SUSD1: variants seen among roughly 807,000 people sequenced by gnomAD.
SUSD1 encodes sushi domain-containing protein 1.
Under a neutral mutation model 86.9 loss-of-function variants are expected in SUSD1, and 65 were observed. The ratio of observed to expected loss-of-function variants is 0.75; its 90% confidence interval spans 0.61 to 0.92. The LOEUF (loss-of-function observed/expected upper bound fraction) is 0.92, where lower values mean the gene tolerates loss of function less well. Among genes scored for constraint, SUSD1 ranks in the 40% least tolerant of loss-of-function variants. The pLI is 0.00. For synonymous variants in SUSD1, 346 were observed against 350.0 expected, an observed-to-expected ratio of 0.99 and a Z score of 0.13; for missense variants, 850 against 929.7, an observed-to-expected ratio of 0.91 and a Z score of 1.11.
intron 16 of SUSD1, 88 bp downstream of exon 16, chr9:112,041,779 A>T: frequency 2.3e-6 from 3 of 1,316,052 alleles, no homozygotes; most frequent in Non-Finnish European, 3.2e-6. Context: ...ACTCCCTTTG[A>T]CTCCCCTCAT....
At position 112,175,129 on chromosome 9, in the gene SUSD1, T is replaced by G; in HGVS notation, c.103+4A>C. 9.6e-7 allele frequency: 1 copy of G among 1,041,846 alleles called. No homozygotes were observed. Among genetic ancestry groups the G allele is most frequent in the South Asian group, 4.4e-5 (1 of 22,682 alleles). 64.5% of individuals were successfully genotyped at this position (1,041,846 alleles called of 1,614,324 possible). A position where few individuals can be genotyped will look rare whatever the true frequency, so the allele number is the denominator to read the frequency against. The stretch of plus-strand genomic sequence containing the variant: ...CGCCCGTGCCCGTCCCAGCCCGCAC[T>G]CACCGTCGGGGCCCGGCGCTCCCGC... On this transcript the variant is annotated splice_donor_region_variant and intron_variant, in intron 1 of 16. Coordinates refer to ENST00000374270, the MANE Select transcript of SUSD1 (RefSeq NM_022486.5). This position sits in a 1 kb window ranked among gnomAD's most constrained non-coding sequence, Gnocchi z 4.7.
At chr9:112,061,066 G>A (rs1828702332) in intron 13 of SUSD1, among the ~76,000 whole-genome samples, 1 of 152,110 alleles carries the variant, frequency 6.6e-6, no homozygotes, top group Admixed American at 6.5e-5. Context: ...GTAGATTCTG[G>A]GAATCTGTAT....
chr9:112,163,226 G>A (rs1182887668), intron 1 of SUSD1, among the ~76,000 whole-genome samples: 2 of 152,112 alleles, frequency 1.3e-5, no homozygotes, highest in African/African-American at 4.8e-5. Context: ...TGTGACGACA[G>A]CTCACTGCAG....
chr9:112,064,046 T>TGGG (rs58850509), intron 12 of SUSD1, among the ~76,000 whole-genome samples: 213 of 77,148 alleles, frequency 2.8e-3, no homozygotes, highest in South Asian at 8.9e-3. Flanking sequence ...TTTCTTTTTT[T>TGGG]GGGGGGGGGG....
At position 112,098,477 on chromosome 9, in the gene SUSD1, G is replaced by A. The variant is rs923791080; in HGVS notation, c.1467C>T (p.Pro489=). The A allele has an allele frequency of 3.1e-6, 5 of 1,614,014 alleles. No homozygotes were observed. Among genetic ancestry groups the A allele is most frequent in the Middle Eastern group, 3.3e-4 (2 of 6,060 alleles). Residue 489 remains proline, a synonymous_variant, in exon 10 of 17, where the codon CCC becomes CCT. Coordinates refer to ENST00000374270, the MANE Select transcript of SUSD1 (RefSeq NM_022486.5). Reference sequence around the variant, plus strand: ...AAAGACGTCTACACCCACCTGCTGGGGGAGTTGCTATTGTTATTTGCACTG... The same window carrying A: ...AAAGACGTCTACACCCACCTGCTGGAGGAGTTGCTATTGTTATTTGCACTG... ...RHSVQITIAT[P]PAVKQTISNI...
intron 16 of SUSD1, 85 bp downstream of exon 16, chr9:112,041,782 C>T: frequency 7.4e-7 from 1 of 1,348,918 alleles, no homozygotes; most frequent in Non-Finnish European, 1.0e-6. Context: ...CCCTTTGACT[C>T]CCCTCATCCC....
chr9:112,057,330 T>C (rs1490218097), intron 14 of SUSD1, among the ~76,000 whole-genome samples: 1 of 152,176 alleles, frequency 6.6e-6, no homozygotes, highest in East Asian at 1.9e-4. Context: ...TTGACTAATA[T>C]ACCCTCCCCA....
At chr9:112,117,249 G>C (rs549433537) in intron 6 of SUSD1, among the ~76,000 whole-genome samples, 14 of 152,382 alleles carry the variant, frequency 9.2e-5, no homozygotes, top group African/African-American at 3.4e-4. Flanking sequence ...GGTCAAGGCA[G>C]AGGGTGCAAA....
rs557018853 is a variant in SUSD1, at chr9:112,064,173, C to T, written c.1754-1140G>A. ...GCCTGGTCTACATTTGCCCTATAGCCGGGGTTCCCAACCCCAGGTGGTGGG... is the reference window on the plus strand; with the variant it reads ...GCCTGGTCTACATTTGCCCTATAGCTGGGGTTCCCAACCCCAGGTGGTGGG... On this transcript the variant is annotated intron_variant, in intron 12 of 16. Coordinates refer to ENST00000374270, the MANE Select transcript of SUSD1 (RefSeq NM_022486.5). Among the ~76,000 whole-genome samples, 18 of 152,148 alleles carry T rather than the reference C, an allele frequency of 1.2e-4. No homozygotes were observed. The East Asian group carries it at 1.5e-3, about 13-fold the overall frequency.
At chr9:112,109,295 G>A (rs1476333940) in intron 8 of SUSD1, among the ~76,000 whole-genome samples, 1 of 152,112 alleles carries the variant, frequency 6.6e-6, no homozygotes, top group Non-Finnish European at 1.5e-5. Flanking sequence ...ATTCCAGAGG[G>A]AAAAACAATG....
chr9:112,124,559 AC>A, intron 5 of SUSD1, 123 bp from the exon 6 acceptor site: 2 of 885,816 alleles, frequency 2.3e-6, no homozygotes, highest in South Asian at 6.0e-5. Flanking sequence ...GAAAACACTA[AC>A]CCCATCAAAT....
chr9:112,092,167 C>T (rs1384148453), intron 10 of SUSD1, among the ~76,000 whole-genome samples: 1 of 152,180 alleles, frequency 6.6e-6, no homozygotes. Flanking sequence ...GAAAACAATG[C>T]TTGAAAGAAA....
At chr9:112,119,374 T>C (rs1467201912) in intron 6 of SUSD1, among the ~76,000 whole-genome samples, 1 of 152,182 alleles carries the variant, frequency 6.6e-6, no homozygotes, top group Non-Finnish European at 1.5e-5. Context: ...GAAATGTGTG[T>C]GGCTGCAACT....
intron 12 of SUSD1, among the ~76,000 whole-genome samples, chr9:112,072,681 G>A (rs1427297021): frequency 6.6e-6 from 1 of 152,172 alleles, no homozygotes; most frequent in Non-Finnish European, 1.5e-5. Flanking sequence ...TGGGGGCTTG[G>A]GGTTTGTTTT....
intron 15 of SUSD1, among the ~76,000 whole-genome samples, chr9:112,043,998 C>T (rs1291757041): frequency 2.0e-5 from 3 of 152,020 alleles, no homozygotes; most frequent in African/African-American, 7.2e-5. Context: ...CAGGGCTTCA[C>T]CATGTTGGCC....
intron 2 of SUSD1, among the ~76,000 whole-genome samples, chr9:112,152,731 C>A (rs971975796): frequency 2.3e-5 from 3 of 130,216 alleles, no homozygotes; most frequent in African/African-American, 5.8e-5. Flanking sequence ...TAGCTTTTTT[C>A]TTCTATTATT....
At chr9:112,104,045 C>CT (rs146909427) in intron 8 of SUSD1, among the ~76,000 whole-genome samples, 17,680 of 151,846 alleles carry the variant, frequency 0.12, 1,329 homozygotes, top group Admixed American at 0.2. Context: ...TCTTCTTCTT[C>CT]TCTCTCTTTT....
rs1827755806 is a variant in SUSD1, at chr9:112,041,891, G to A, written c.2219C>T (p.Thr740Ile). ...LGSLAVVIIL[T>I]FLSFSAV is the part of the protein sequence containing the mutation. ...CCACACCGCTGAGAAGGAGAGGAAT[G>A]TGAGAATGATCACAACAGCCAGGGA... The change falls in exon 16 of 17, where the codon ACA becomes ATA. Residue 740 changes from threonine (T) to isoleucine (I), a missense_variant. Coordinates refer to ENST00000374270, the MANE Select transcript of SUSD1 (RefSeq NM_022486.5). 6.2e-7 allele frequency: 1 copy of A among 1,613,948 alleles called. No homozygotes were observed. The highest frequency in any genetic ancestry group is 8.5e-7 in the Non-Finnish European group (1 of 1,179,912).
At chr9:112,140,761 A>T (rs1832529656) in intron 5 of SUSD1, among the ~76,000 whole-genome samples, 1 of 152,228 alleles carries the variant, frequency 6.6e-6, no homozygotes, top group Admixed American at 6.5e-5. Context: ...CATTTTGAGA[A>T]ATGCATCATT....
Sources: allele counts gnomAD v4.1 joint callset (sites outside exome capture counted in the v4.1 genomes callset), GRCh38; gene constraint gnomAD v4.1.1; non-coding constraint Gnocchi (gnomAD v3.1); transcripts MANE v1.5; gene names NCBI Gene and HGNC (gene_info 2026-07-23, HGNC 2026-07-21).